The following ATP2A3 variants were observed in gnomAD, a reference collection of about 807,000 sequenced individuals.
ATP2A3 encodes the protein ATPase sarcoplasmic/endoplasmic reticulum Ca2+ transporting 3.
Under a neutral mutation model 106.8 loss-of-function variants are expected in ATP2A3, and 61 were observed. That is an observed-to-expected ratio of 0.57 (90% CI 0.46 to 0.71). The LOEUF (loss-of-function observed/expected upper bound fraction) is 0.71, where lower values mean the gene tolerates loss of function less well. Ranked by LOEUF, ATP2A3 falls within the 30% of genes least tolerant of loss-of-function variation. The probability of loss-of-function intolerance (pLI) is 0.00; values close to 1 mark genes in which losing one functional copy is unlikely to be tolerated. For missense variants in ATP2A3, 1,201 were observed against 1,423.5 expected (o/e 0.84, Z 2.52); for synonymous variants, 611 against 609.3 (o/e 1.00, Z -0.04).
At chr17:3,960,396 C>T (rs185778388) in intron 1 of ATP2A3, among the ~76,000 whole-genome samples, 6 of 152,380 alleles carry the variant, frequency 3.9e-5, no homozygotes, top group African/African-American at 1.4e-4. Context: ...GGGGCCAAGG[C>T]GCTCACTGCA....
rs770674847 is a variant in ATP2A3, at chr17:3,936,285, G to T, written c.2506C>A (p.Arg836=). The change falls in exon 16 of 21, where the codon CGA becomes AGA. Residue 836 remains arginine (R), a synonymous_variant. Transcript: ENST00000397041. This position sits in a 1 kb window ranked among gnomAD's most constrained non-coding sequence, Gnocchi z 5.4. ...EALISGWLFF[R]YLAIGVYVGL... ...CACTCACCTCCGATAGCCAGGTATC[G>T]GAAGAAGAGCCAGCCACTGATGAGG... 5.6e-6 allele frequency: 9 copies of T among 1,613,780 alleles called. No homozygotes were observed. In the African/African-American group the frequency reaches 1.2e-4, roughly 22 times the overall value.
chr17:3,950,160 AT>A (rs1373238196), intron 7 of ATP2A3, among the ~76,000 whole-genome samples: 117 of 138,870 alleles, frequency 8.4e-4, no homozygotes, highest in Non-Finnish European at 1.5e-3. Flanking sequence ...AGAAAAAAAA[AT>A]ATTTTTTTTT....
chr17:3,927,488 A>G, intron 20 of ATP2A3: 1 of 985,254 alleles, frequency 1.0e-6, no homozygotes, highest in Non-Finnish European at 1.2e-6. Context: ...CAGGTGAGTG[A>G]GTGTGGTCAA....
In ATP2A3 at chr17:3,941,228, A is replaced by G. The variant is rs764302466; in HGVS notation, c.1843T>C (p.Tyr615His). The G allele has an allele frequency of 6.2e-7, 1 of 1,614,112 alleles. No homozygotes were observed. Among genetic ancestry groups the G allele is most frequent in the Non-Finnish European group, 8.5e-7 (1 of 1,180,026 alleles). ...PEVAACITRC[Y>H]QAGIRVVMIT... ...ATGACCACGCGGATGCCCGCCTGGT[A>G]GCAGCGTGTGATGCAGGCAGCCACC... The change falls in exon 14 of 21, where the codon TAC becomes CAC. Residue 615 changes from tyrosine (Y) to histidine (H), a missense_variant. Tyr to His is a moderately conservative substitution (Grantham distance 83, BLOSUM62 2). Around this residue, in one of 2 missense-constraint regions of ATP2A3, gnomAD observed 935 missense variants for 1,176.7 expected, o/e 0.79. Coordinates refer to ENST00000397041, the MANE Select transcript of ATP2A3 (RefSeq NM_005173.4).
rs1222517813 is a variant in ATP2A3 at position 3,945,050 on chromosome 17, C to T, written c.1184+10G>A. 3 of 1,535,824 alleles carry T rather than the reference C, an allele frequency of 2.0e-6. No individual in the cohort carries two copies. The highest frequency in any genetic ancestry group is 2.0e-5 in the Admixed American group (1 of 50,424). On this transcript the variant is annotated intron_variant, in intron 9 of 20. Coordinates refer to ENST00000397041, the MANE Select transcript of ATP2A3 (RefSeq NM_005173.4). ...CCGCCCGCCCGCGCGTCCCCTGGCCCCGCACTCACACTTCGCCCTCGGGGG... is the reference window on the plus strand; with the variant it reads ...CCGCCCGCCCGCGCGTCCCCTGGCCTCGCACTCACACTTCGCCCTCGGGGG...
chr17:3,936,497 CG>C lies in ATP2A3; in HGVS notation c.2322-29del. 1 of 1,612,164 alleles carries C rather than the reference CG, an allele frequency of 6.2e-7. No individual in the cohort carries two copies. Among genetic ancestry groups the C allele is most frequent in the Non-Finnish European group, 8.5e-7 (1 of 1,179,218 alleles). ...GGAACAGAGTCATGAGCTCTAGCCC[CG>C]GTAGGCCTAGCCCCCGGCAGATGCA... On this transcript the variant is annotated intron_variant, in intron 15 of 20. Transcript: ENST00000397041. The surrounding 1 kb of genome is among the most constrained non-coding windows in gnomAD (Gnocchi z 5.4).
intron 15 of ATP2A3, chr17:3,937,213 G>A (rs2053499109): frequency 4.6e-6 from 3 of 650,500 alleles, no homozygotes; most frequent in East Asian, 5.6e-5. Context: ...GGGTGACCAT[G>A]ATCCATAGGT....
chr17:3,954,527 C>T (rs1471507990), intron 1 of ATP2A3, among the ~76,000 whole-genome samples: 3 of 149,110 alleles, frequency 2.0e-5, no homozygotes, highest in East Asian at 2.0e-4. Flanking sequence ...AAGAGAGTCT[C>T]GCTCTGTCGC....
chr17:3,935,135 G>T, intron 17 of ATP2A3, 57 bp downstream of exon 17: 1 of 1,576,812 alleles, frequency 6.3e-7, no homozygotes, highest in South Asian at 1.1e-5. Context: ...ATCTCCCCTG[G>T]AACTCCAACA....
intron 3 of ATP2A3, 83 bp from the exon 4 acceptor site, chr17:3,951,768 C>A (rs2054460709): frequency 4.5e-6 from 6 of 1,329,768 alleles, no homozygotes; most frequent in Non-Finnish European, 6.3e-6. Context: ...GGATCTCCTG[C>A]TTGCTTCCCT....
chr17:3,962,872 C>A (rs2055215992), intron 1 of ATP2A3, among the ~76,000 whole-genome samples: 2 of 152,212 alleles, frequency 1.3e-5, no homozygotes, highest in South Asian at 4.1e-4. Flanking sequence ...CCTGCCTGCG[C>A]CGGCCCTCGC....
In ATP2A3 at chr17:3,953,036, T is replaced by C. The variant is rs921596292; in HGVS notation, c.219+311A>G. On this transcript the variant is annotated intron_variant, in intron 3 of 20. Coordinates refer to ENST00000397041, the MANE Select transcript of ATP2A3 (RefSeq NM_005173.4). This position sits in a 1 kb window ranked among gnomAD's most constrained non-coding sequence, Gnocchi z 5.1. ...ATGATCTGGTCTAAACTATCAGTAG[T>C]GCTGAGGCAGAGAAACCCTAGGGTA... Among the ~76,000 whole-genome samples, 1 of 152,072 alleles carries C rather than the reference T, an allele frequency of 6.6e-6. No homozygotes were observed. The highest frequency in any genetic ancestry group is 1.5e-5 in the Non-Finnish European group (1 of 68,012).
chr17:3,951,845 C>T (rs991907570), intron 3 of ATP2A3, among the ~76,000 whole-genome samples, 160 bp from the exon 4 acceptor site: 3 of 152,220 alleles, frequency 2.0e-5, no homozygotes, highest in African/African-American at 7.2e-5. Flanking sequence ...AAGGCCTTGG[C>T]ACAGGGTGCC....
At position 3,953,489 on chromosome 17, in the gene ATP2A3, C is replaced by T; in HGVS notation, c.137-60G>A. ...CACCACTGACCCTGCCCACTCAGAG[C>T]TGGGATGGCCCGGGAGACCTCCCGG... On this transcript the variant is annotated intron_variant, in intron 2 of 20. Transcript: ENST00000397041. The surrounding 1 kb of genome is among the most constrained non-coding windows in gnomAD (Gnocchi z 5.1). The T allele has an allele frequency of 6.3e-7, 1 of 1,587,882 alleles. No individual in the cohort carries two copies. The highest frequency in any genetic ancestry group is 1.1e-5 in the South Asian group (1 of 90,524).
At chr17:3,951,193 A>T in intron 5 of ATP2A3, 58 bp downstream of exon 5, 1 of 1,197,140 alleles carries the variant, frequency 8.4e-7, no homozygotes, top group Non-Finnish European at 1.1e-6. Context: ...TAAATAAATA[A>T]ATAAAATAAA....
intron 10 of ATP2A3, 122 bp downstream of exon 10, chr17:3,944,582 C>T: frequency 9.2e-6 from 9 of 982,452 alleles, no homozygotes; most frequent in Middle Eastern, 2.3e-4. Flanking sequence ...GGTAACCGTG[C>T]TCCCTGGGTG....
At position 3,935,235 on chromosome 17, in the gene ATP2A3, A is replaced by C. The variant is rs2053365800; in HGVS notation, c.2567T>G (p.Phe856Cys). 1.9e-6 allele frequency: 3 copies of C among 1,613,908 alleles called. No homozygotes were observed. Among genetic ancestry groups the C allele is most frequent in the Non-Finnish European group, 2.5e-6 (3 of 1,180,022 alleles). Reference sequence around the variant, plus strand: ...GTGAGGTCCCTCGGCGTCATACACAAACCACCAGGTGGCGGCAGCCACTGT... The same window carrying C: ...GTGAGGTCCCTCGGCGTCATACACACACCACCAGGTGGCGGCAGCCACTGT... The part of the protein sequence containing the change: ...LATVAAATWW[F>C]VYDAEGPHIN... Residue 856 changes from phenylalanine to cysteine, a missense_variant, in exon 17 of 21, where the codon TTT (phenylalanine) becomes TGT (cysteine). This residue lies in a region of ATP2A3 where 935 missense variants were observed against 1,176.7 expected (regional missense o/e 0.79). Transcript: ENST00000397041.
rs1462603664 is a variant in ATP2A3 at position 3,941,319 on chromosome 17, G to A, written c.1765-13C>T. The A allele has an allele frequency of 6.2e-7, 1 of 1,613,486 alleles. No individual in the cohort carries two copies. Among genetic ancestry groups the A allele is most frequent in the Non-Finnish European group, 8.5e-7 (1 of 1,179,820 alleles). On this transcript the variant is annotated splice_polypyrimidine_tract_variant and intron_variant, in intron 13 of 20. Transcript: ENST00000397041. The stretch of plus-strand genomic sequence containing the variant: ...AGGTCAGGTCCGTCTGTAGGGAGGG[G>A]GCAGATTCAAGCGGGGCCTGAGCCC...
chr17:3,925,655 C>T lies in ATP2A3; in HGVS notation c.2981-214G>A, dbSNP rs1405991018. The stretch of plus-strand genomic sequence containing the variant: ...CGCAACGTCCCCCACGCCTCCTTCA[C>T]TCCACTGTTCCATCAGCACCCCCAA... On this transcript the variant is annotated intron_variant, in intron 20 of 20. Coordinates refer to ENST00000397041, the MANE Select transcript of ATP2A3 (RefSeq NM_005173.4). This position sits in a 1 kb window ranked among gnomAD's most constrained non-coding sequence, Gnocchi z 4.2. Among the ~76,000 whole-genome samples the T allele has an allele frequency of 1.3e-5, 2 of 150,216 alleles. No individual in the cohort carries two copies. The highest frequency in any genetic ancestry group is 3.0e-5 in the Non-Finnish European group (2 of 67,470).
Sources: allele counts gnomAD v4.1 joint callset (sites outside exome capture counted in the v4.1 genomes callset), GRCh38; gene constraint gnomAD v4.1.1; regional missense constraint gnomAD v4.1.1; non-coding constraint Gnocchi (gnomAD v3.1); transcripts MANE v1.5; gene names NCBI Gene and HGNC (gene_info 2026-07-23, HGNC 2026-07-21).